KCND3: variants seen among roughly 807,000 people sequenced by gnomAD.
KCND3 encodes A-type voltage-gated potassium channel KCND3.
A neutral mutation model predicts 51.1 loss-of-function variants in KCND3; 9 were observed. That is an observed-to-expected ratio of 0.18 (90% CI 0.11 to 0.31). The LOEUF (loss-of-function observed/expected upper bound fraction) is 0.31, where lower values mean the gene tolerates loss of function less well. Among genes scored for constraint, KCND3 ranks in the 10% least tolerant of loss-of-function variants. The pLI is 1.00. For synonymous variants in KCND3, 349 were observed against 368.0 expected, an observed-to-expected ratio of 0.95 and a Z score of 0.59; for missense variants, 526 against 903.8, an observed-to-expected ratio of 0.58 and a Z score of 5.36.
chr1:111,982,817 G>C lies in KCND3; in HGVS notation c.-72-19C>G. On this transcript the variant is annotated intron_variant, in intron 1 of 7. Coordinates refer to ENST00000302127, the MANE Select transcript of KCND3 (RefSeq NM_001378969.1). This position sits in a 1 kb window ranked among gnomAD's most constrained non-coding sequence, Gnocchi z 8.5. ...GCAAACCCTGGGAGACAGGAGGGGA[G>C]AGAGAGAAGCGGTGAGTCCATATCG... 6.6e-7 allele frequency: 1 copy of C among 1,512,782 alleles called. No individual in the cohort carries two copies. Among genetic ancestry groups the C allele is most frequent in the Non-Finnish European group, 8.9e-7 (1 of 1,126,720 alleles). 93.7% of individuals were successfully genotyped at this position (1,512,782 alleles called of 1,614,324 possible).
At chr1:111,935,768 G>A (rs1334263562) in intron 2 of KCND3, among the ~76,000 whole-genome samples, 1 of 152,148 alleles carries the variant, frequency 6.6e-6, no homozygotes, top group Non-Finnish European at 1.5e-5. Context: ...GTGGAAGAGG[G>A]GCCGAGGGGC....
At chr1:111,778,621 C>T (rs1664240371) in intron 5 of KCND3, 129 bp from the exon 6 acceptor site, 1 of 854,064 alleles carries the variant, frequency 1.2e-6, no homozygotes, top group South Asian at 1.4e-5. Flanking sequence ...TTCCACCCCT[C>T]ATTCCCAGCA....
At chr1:111,821,892 A>G (rs1191413489) in intron 2 of KCND3, among the ~76,000 whole-genome samples, 1 of 152,092 alleles carries the variant, frequency 6.6e-6, no homozygotes, top group African/African-American at 2.4e-5. Flanking sequence ...GTTACAGAAG[A>G]TGCGGGGTTC....
At chr1:111,973,281 C>T (rs1210378374) in intron 2 of KCND3, among the ~76,000 whole-genome samples, 1 of 152,226 alleles carries the variant, frequency 6.6e-6, no homozygotes, top group African/African-American at 2.4e-5. Flanking sequence ...GAAGGCAAGG[C>T]TCTGGACAGC....
chr1:111,855,302 G>T (rs758952027), intron 2 of KCND3, among the ~76,000 whole-genome samples: 1 of 152,212 alleles, frequency 6.6e-6, no homozygotes, highest in Non-Finnish European at 1.5e-5. Context: ...AAGCCTGCCA[G>T]CCTCCCTCCT....
At chr1:111,830,065 G>A (rs942951188) in intron 2 of KCND3, among the ~76,000 whole-genome samples, 12 of 152,042 alleles carry the variant, frequency 7.9e-5, no homozygotes, top group South Asian at 2.1e-4. Context: ...ATCTTTCTAC[G>A]TCAGCAGCGT....
intron 2 of KCND3, among the ~76,000 whole-genome samples, chr1:111,918,394 C>A (rs370076905): frequency 1.3e-5 from 2 of 152,140 alleles, no homozygotes; most frequent in South Asian, 4.1e-4. Flanking sequence ...AGGCATAGGG[C>A]TTGGGGAGAG....
intron 2 of KCND3, among the ~76,000 whole-genome samples, chr1:111,965,934 A>C (rs957182469): frequency 6.6e-5 from 10 of 152,284 alleles, no homozygotes; most frequent in African/African-American, 2.2e-4. Context: ...GCTGGGTTCC[A>C]GGACAATTGC....
At chr1:111,934,552 C>G (rs9429423) in intron 2 of KCND3, among the ~76,000 whole-genome samples, 1 of 152,104 alleles carries the variant, frequency 6.6e-6, no homozygotes, top group Non-Finnish European at 1.5e-5. Context: ...ACCAGCGCCC[C>G]GCCAGACTCG....
intron 5 of KCND3, 75 bp from the exon 6 acceptor site, chr1:111,778,567 C>G: frequency 7.3e-7 from 1 of 1,378,688 alleles, no homozygotes; most frequent in Admixed American, 1.7e-5. Context: ...CCAGTTTTGA[C>G]ATTCAATCTC....
chr1:111,813,760 TG>T, intron 2 of KCND3, among the ~76,000 whole-genome samples: 1 of 152,372 alleles, frequency 6.6e-6, no homozygotes, highest in South Asian at 2.1e-4. Flanking sequence ...CAGGCCTCAC[TG>T]GTGGCTGCCC....
intron 2 of KCND3, among the ~76,000 whole-genome samples, chr1:111,912,393 A>G (rs956626875): frequency 5.3e-5 from 8 of 152,240 alleles, no homozygotes; most frequent in African/African-American, 1.9e-4. Flanking sequence ...TGCCAGTCCT[A>G]TGAAAGCATA....
chr1:111,878,281 A>C (rs1669144208), intron 2 of KCND3, among the ~76,000 whole-genome samples: 1 of 152,224 alleles, frequency 6.6e-6, no homozygotes, highest in African/African-American at 2.4e-5. Flanking sequence ...CAGAGTGTGA[A>C]ATGCGCTTCC....
intron 2 of KCND3, among the ~76,000 whole-genome samples, chr1:111,795,901 T>A (rs1196723886): frequency 2.0e-5 from 3 of 152,232 alleles, no homozygotes; most frequent in Non-Finnish European, 4.4e-5. Context: ...AGCTGGTATC[T>A]CACTGAGATT....
intron 2 of KCND3, among the ~76,000 whole-genome samples, chr1:111,788,505 T>A (rs964769383): frequency 2.0e-5 from 3 of 152,230 alleles, no homozygotes; most frequent in African/African-American, 4.8e-5. Context: ...GGTGAATGAA[T>A]GAATGAATGA....
intron 2 of KCND3, among the ~76,000 whole-genome samples, chr1:111,862,524 A>C (rs1668381825): frequency 6.6e-6 from 1 of 152,244 alleles, no homozygotes; most frequent in East Asian, 1.9e-4. Flanking sequence ...CGTCAAGTCT[A>C]AGAAAGCAAG....
chr1:111,942,936 C>T (rs890209308), intron 2 of KCND3, among the ~76,000 whole-genome samples: 4 of 152,204 alleles, frequency 2.6e-5, no homozygotes, highest in African/African-American at 7.2e-5. Context: ...AAGCACCATA[C>T]ACCTGGCCTC....
chr1:111,962,265 CCT>C (rs1388331157), intron 2 of KCND3, among the ~76,000 whole-genome samples: 2 of 152,212 alleles, frequency 1.3e-5, no homozygotes. Flanking sequence ...CCCAGGTCTG[CCT>C]GCCTTTGGAA....
chr1:111,965,438 C>CA (rs1673915208), intron 2 of KCND3, among the ~76,000 whole-genome samples: 2 of 72,368 alleles, frequency 2.8e-5, no homozygotes, highest in Non-Finnish European at 2.6e-5. Context: ...GCCAGCAAAA[C>CA]CACACACACA....
Sources: allele counts gnomAD v4.1 joint callset (sites outside exome capture counted in the v4.1 genomes callset), GRCh38; gene constraint gnomAD v4.1.1; non-coding constraint Gnocchi (gnomAD v3.1); transcripts MANE v1.5; gene names NCBI Gene and HGNC (gene_info 2026-07-23, HGNC 2026-07-21).